GRIK2: variants seen among roughly 807,000 people sequenced by gnomAD.
The protein encoded by GRIK2 is glutamate receptor ionotropic, kainate 2.
A neutral mutation model predicts 100.3 loss-of-function variants in GRIK2; 32 were observed. The observed-to-expected ratio is 0.32, with a 90% CI of 0.24 to 0.43. The LOEUF (loss-of-function observed/expected upper bound fraction) is 0.43, where lower values mean the gene tolerates loss of function less well. Ranked by LOEUF, GRIK2 falls within the 20% of genes least tolerant of loss-of-function variation. The pLI, the probability that GRIK2 is intolerant of heterozygous loss-of-function variation, is 1.00. For missense variants in GRIK2, 843 were observed against 1,114.9 expected (o/e 0.76, Z 3.47); for synonymous variants, 417 against 389.4 (o/e 1.07, Z -0.83).
chr6:101,577,243 C>G (rs956740557), intron 2 of GRIK2, among the ~76,000 whole-genome samples: 5 of 151,236 alleles, frequency 3.3e-5, no homozygotes, highest in African/African-American at 7.3e-5. Context: ...ATTACTTGAC[C>G]CTTTTTGCAC....
intron 2 of GRIK2, among the ~76,000 whole-genome samples, chr6:101,593,419 T>C (rs956287955): frequency 1.3e-5 from 2 of 151,932 alleles, no homozygotes; most frequent in African/African-American, 4.8e-5. Context: ...GTTATTTATA[T>C]TTTACAGAGT....
At chr6:101,499,295 G>A (rs1000317277) in intron 2 of GRIK2, among the ~76,000 whole-genome samples, 6 of 152,002 alleles carry the variant, frequency 3.9e-5, no homozygotes, top group South Asian at 2.1e-4. Flanking sequence ...TACGCTTACC[G>A]AATAAAAATG....
chr6:101,575,690 T>G (rs1031571107), intron 2 of GRIK2, among the ~76,000 whole-genome samples: 4 of 152,056 alleles, frequency 2.6e-5, no homozygotes, highest in African/African-American at 9.7e-5. Flanking sequence ...TGTTTTTATT[T>G]TTATGAAAAC....
At chr6:101,975,968 C>T (rs1267899267) in intron 14 of GRIK2, among the ~76,000 whole-genome samples, 1 of 151,864 alleles carries the variant, frequency 6.6e-6, no homozygotes, top group Non-Finnish European at 1.5e-5. Context: ...TAATTGATAA[C>T]ATAACATCCC....
intron 11 of GRIK2, among the ~76,000 whole-genome samples, chr6:101,862,631 C>A (rs1784794455): frequency 6.6e-6 from 1 of 151,804 alleles, no homozygotes; most frequent in South Asian, 2.1e-4. Flanking sequence ...TGCTATGTTG[C>A]TCATGCTAGT....
intron 15 of GRIK2, among the ~76,000 whole-genome samples, chr6:102,036,770 A>G (rs1351972146): frequency 1.3e-5 from 2 of 151,436 alleles, no homozygotes; most frequent in African/African-American, 2.4e-5. Flanking sequence ...TAAATTTTAT[A>G]TTGGTTTAAG....
intron 2 of GRIK2, among the ~76,000 whole-genome samples, chr6:101,448,683 G>A (rs1431408291): frequency 6.6e-6 from 1 of 151,564 alleles, no homozygotes; most frequent in Non-Finnish European, 1.5e-5. Flanking sequence ...TTTATTGACA[G>A]CAACAAAAAG....
intron 12 of GRIK2, among the ~76,000 whole-genome samples, chr6:101,897,118 G>T (rs1301101062): frequency 2.6e-5 from 4 of 151,506 alleles, no homozygotes; most frequent in African/African-American, 9.7e-5. Context: ...AGTGTAGTGG[G>T]TTCTTTGGCA....
intron 2 of GRIK2, among the ~76,000 whole-genome samples, chr6:101,411,541 C>T (rs1239022279): frequency 6.6e-6 from 1 of 152,054 alleles, no homozygotes; most frequent in Non-Finnish European, 1.5e-5. Context: ...ATCTCACACA[C>T]TGTGCTAGAT....
chr6:101,784,528 A>C (rs1441387370), intron 7 of GRIK2, among the ~76,000 whole-genome samples: 1 of 152,176 alleles, frequency 6.6e-6, no homozygotes, highest in Non-Finnish European at 1.5e-5. Flanking sequence ...AAAGGTGAAA[A>C]GTACATGAGA....
At chr6:102,047,140 C>T (rs982812333) in intron 15 of GRIK2, among the ~76,000 whole-genome samples, 2 of 151,992 alleles carry the variant, frequency 1.3e-5, no homozygotes, top group African/African-American at 4.8e-5. Flanking sequence ...TGACATTATG[C>T]CTCAAGGAGC....
At chr6:101,534,989 A>G (rs1318893810) in intron 2 of GRIK2, among the ~76,000 whole-genome samples, 1 of 151,738 alleles carries the variant, frequency 6.6e-6, no homozygotes, top group Non-Finnish European at 1.5e-5. Flanking sequence ...TTAGTTTGAC[A>G]TTATTTTGCT....
chr6:102,009,515 A>G (rs573962644), intron 14 of GRIK2, among the ~76,000 whole-genome samples: 1 of 152,266 alleles, frequency 6.6e-6, no homozygotes, highest in African/African-American at 2.4e-5. Context: ...AACTGTTAAA[A>G]AGGAAGAACT....
chr6:101,516,454 C>A (rs1250290370), intron 2 of GRIK2, among the ~76,000 whole-genome samples: 1 of 152,022 alleles, frequency 6.6e-6, no homozygotes, highest in Non-Finnish European at 1.5e-5. Flanking sequence ...GCCAACTGAT[C>A]TTTGACAAAG....
intron 7 of GRIK2, among the ~76,000 whole-genome samples, chr6:101,794,908 C>A (rs1011651141): frequency 6.6e-6 from 1 of 151,018 alleles, no homozygotes; most frequent in Non-Finnish European, 1.5e-5. Context: ...CTTTGTCACC[C>A]AGTCTGGAAT....
At chr6:101,781,300 A>G (rs944529192) in intron 7 of GRIK2, among the ~76,000 whole-genome samples, 7 of 152,142 alleles carry the variant, frequency 4.6e-5, no homozygotes, top group African/African-American at 1.7e-4. Context: ...TTCCAGGACA[A>G]CGACTGGAAA....
intron 2 of GRIK2, among the ~76,000 whole-genome samples, chr6:101,501,177 T>C (rs1773729518): frequency 6.6e-6 from 1 of 152,140 alleles, no homozygotes; most frequent in Admixed American, 6.5e-5. Context: ...CTTCAATCTG[T>C]ATTTCAGCAT....
chr6:101,789,186 G>C (rs1404603494), intron 7 of GRIK2, among the ~76,000 whole-genome samples: 1 of 152,046 alleles, frequency 6.6e-6, no homozygotes, highest in Non-Finnish European at 1.5e-5. Context: ...AGTTTCTTTT[G>C]CTGTGCAGAA....
Position 101,859,273 on chromosome 6 carries a change from T to C in GRIK2, c.1318-14T>C. 7.1e-7 allele frequency: 1 copy of C among 1,410,192 alleles called. No homozygotes were observed. Among genetic ancestry groups the C allele is most frequent in the Non-Finnish European group, 1.0e-6 (1 of 997,088 alleles). The allele number at this position is 1,410,192 out of a possible 1,614,324, so 87.4% of individuals were successfully genotyped here. On this transcript the variant is annotated splice_polypyrimidine_tract_variant and intron_variant, in intron 10 of 16. Transcript: ENST00000369134. ...TTAACTGTTACCTCTTTTCTTCTTT[T>C]TCAATGTTTTCAGGAAGAGCCTTAT...
Sources: allele counts gnomAD v4.1 joint callset (sites outside exome capture counted in the v4.1 genomes callset), GRCh38; gene constraint gnomAD v4.1.1; transcripts MANE v1.5; gene names NCBI Gene and HGNC (gene_info 2026-07-23, HGNC 2026-07-21).